Variants in RPS6KA5 observed in about 807,000 individuals in gnomAD.
RPS6KA5 encodes the protein ribosomal protein S6 kinase alpha-5.
Under a neutral mutation model 85.5 loss-of-function variants are expected in RPS6KA5, and 27 were observed. That is an observed-to-expected ratio of 0.32 (90% CI 0.23 to 0.44). The LOEUF is 0.44. Ranked by LOEUF, RPS6KA5 falls within the 20% of genes least tolerant of loss-of-function variation. The pLI is 1.00. For synonymous variants in RPS6KA5, 334 were observed against 348.2 expected (o/e 0.96, Z 0.46); for missense variants, 811 against 980.9 (o/e 0.83, Z 2.31).
At chr14:90,983,074 C>CT in intron 2 of RPS6KA5, among the ~76,000 whole-genome samples, 1 of 150,512 alleles carries the variant, frequency 6.6e-6, no homozygotes, top group East Asian at 2.0e-4. Flanking sequence ...GATCGTGCCA[C>CT]TGCACTCCGG....
At chr14:91,028,312 G>C (rs1362649571) in intron 1 of RPS6KA5, among the ~76,000 whole-genome samples, 3 of 151,918 alleles carry the variant, frequency 2.0e-5, no homozygotes, top group Non-Finnish European at 4.4e-5. Context: ...CGACCTCCCA[G>C]GCTCAAGCAA....
At chr14:91,046,550 C>T (rs2042881552) in intron 1 of RPS6KA5, among the ~76,000 whole-genome samples, 3 of 152,172 alleles carry the variant, frequency 2.0e-5, no homozygotes, top group African/African-American at 4.8e-5. Flanking sequence ...CCTTATTACA[C>T]ATCTTAAATA....
chr14:90,989,290 C>T (rs1191713955), intron 2 of RPS6KA5, among the ~76,000 whole-genome samples: 1 of 152,152 alleles, frequency 6.6e-6, no homozygotes, highest in Non-Finnish European at 1.5e-5. Context: ...AAGTAAACAA[C>T]AAGAGTGTCA....
chr14:91,042,555 A>C (rs911071818), intron 1 of RPS6KA5, among the ~76,000 whole-genome samples: 16 of 152,142 alleles, frequency 1.1e-4, no homozygotes, highest in Non-Finnish European at 2.2e-4. Flanking sequence ...TTTTTAAAAA[A>C]CAATGATGCT....
chr14:90,851,750 T>G lies in RPS6KA5; in HGVS notation c.*20324A>C, dbSNP rs148558225. On this transcript the variant is annotated 3_prime_UTR_variant, in exon 17 of 17. Transcript: ENST00000614987. ...CTTCTAGAGGATGAAGGTATTTCTC[T>G]TTAGATACTGGTAGATATCATTAGT... The G allele has an allele frequency of 2.6e-4, 40 of 152,356 alleles. 2 individuals are homozygous for G. The East Asian group carries it at 7.5e-3, about 29-fold the overall frequency. 9.4% of individuals were successfully genotyped at this position (152,356 alleles called of 1,614,324 possible).
chr14:91,045,582 C>G (rs1465861587), intron 1 of RPS6KA5, among the ~76,000 whole-genome samples: 1 of 152,152 alleles, frequency 6.6e-6, no homozygotes, highest in African/African-American at 2.4e-5. Flanking sequence ...TTCTTATTTC[C>G]TAAGTGAATC....
At chr14:91,032,597 A>T (rs1342099951) in intron 1 of RPS6KA5, among the ~76,000 whole-genome samples, 2 of 152,232 alleles carry the variant, frequency 1.3e-5, no homozygotes, top group African/African-American at 4.8e-5. Context: ...GGGGCAACAC[A>T]TCTAGTTGGA....
chr14:90,878,576 T>C (rs1003378399), intron 14 of RPS6KA5, among the ~76,000 whole-genome samples: 3 of 152,192 alleles, frequency 2.0e-5, no homozygotes, highest in Admixed American at 6.5e-5. Flanking sequence ...GCAAAGTTAG[T>C]CCTGTTAATG....
At chr14:90,897,047 C>A (rs1313075274) in intron 12 of RPS6KA5, among the ~76,000 whole-genome samples, 1 of 152,142 alleles carries the variant, frequency 6.6e-6, no homozygotes, top group Non-Finnish European at 1.5e-5. Context: ...AATGGTTTCA[C>A]GGAAGGCAAT....
At chr14:91,025,368 A>G (rs564044753) in intron 1 of RPS6KA5, among the ~76,000 whole-genome samples, 26 of 152,062 alleles carry the variant, frequency 1.7e-4, no homozygotes, top group Non-Finnish European at 3.2e-4. Flanking sequence ...GAGTCTCTTA[A>G]GTTTCCCTTT....
At chr14:90,971,344 C>T (rs931971679) in intron 3 of RPS6KA5, among the ~76,000 whole-genome samples, 8 of 152,112 alleles carry the variant, frequency 5.3e-5, no homozygotes, top group Non-Finnish European at 1.2e-4. Flanking sequence ...GGAACCCTAC[C>T]ATGCCTATTT....
chr14:90,914,109 A>C (rs939620522), intron 7 of RPS6KA5, among the ~76,000 whole-genome samples: 1 of 151,780 alleles, frequency 6.6e-6, no homozygotes, highest in Admixed American at 6.6e-5. Flanking sequence ...GACCTTTTAG[A>C]CTCTGGGTTG....
chr14:90,995,981 G>A (rs148483442), intron 2 of RPS6KA5, among the ~76,000 whole-genome samples: 9 of 152,184 alleles, frequency 5.9e-5, no homozygotes, highest in Non-Finnish European at 7.4e-5. Flanking sequence ...AGCTACTCAC[G>A]AGGTGGAAGT....
intron 13 of RPS6KA5, chr14:90,894,202 T>C: frequency 1.7e-6 from 2 of 1,207,026 alleles, no homozygotes; most frequent in African/African-American, 1.6e-5. Context: ...AACCTCAAGA[T>C]GATCAGCTGG....
chr14:90,891,883 C>A (rs1386637035), intron 13 of RPS6KA5, among the ~76,000 whole-genome samples: 2 of 152,148 alleles, frequency 1.3e-5, no homozygotes, highest in African/African-American at 4.8e-5. Flanking sequence ...ACTGTCCACA[C>A]AGAACAGCTG....
At chr14:90,982,030 G>GT (rs1276858389) in intron 2 of RPS6KA5, among the ~76,000 whole-genome samples, 1 of 152,226 alleles carries the variant, frequency 6.6e-6, no homozygotes, top group African/African-American at 2.4e-5. Flanking sequence ...AGAAAGTAAA[G>GT]TAGTCCTTCT....
At chr14:90,972,797 C>CA (rs956039510) in intron 3 of RPS6KA5, among the ~76,000 whole-genome samples, 17 of 151,808 alleles carry the variant, frequency 1.1e-4, no homozygotes, top group South Asian at 6.2e-4. Flanking sequence ...TAACCAAACT[C>CA]AAAAAAATAC....
intron 14 of RPS6KA5, among the ~76,000 whole-genome samples, chr14:90,885,767 A>AAAAAAAAAAAAAAAAAAAAAAAAAAG (rs1566690698): frequency 7.1e-6 from 1 of 139,896 alleles, no homozygotes; most frequent in African/African-American, 2.7e-5. Flanking sequence ...AAAAAAAAAA[A>AAAAAAAAAAAAAAAAAAAAAAAAAAG]AAAAAAGAAA....
At chr14:90,938,375 G>A (rs550965109) in intron 5 of RPS6KA5, among the ~76,000 whole-genome samples, 36 of 152,262 alleles carry the variant, frequency 2.4e-4, no homozygotes, top group East Asian at 5.8e-4. Flanking sequence ...CCAGGTGCAC[G>A]GTGCGAGCTG....
Sources: allele counts gnomAD v4.1 joint callset (sites outside exome capture counted in the v4.1 genomes callset), GRCh38; gene constraint gnomAD v4.1.1; transcripts MANE v1.5; gene names NCBI Gene and HGNC (gene_info 2026-07-23, HGNC 2026-07-21).